The following DNAJC13 variants were observed in gnomAD, a reference collection of about 807,000 sequenced individuals.
The protein encoded by DNAJC13 is dnaJ homolog subfamily C member 13.
DNAJC13 carries 75 observed loss-of-function variants against 290.5 expected under a neutral mutation model. The ratio of observed to expected loss-of-function variants is 0.26; its 90% CI spans 0.21 to 0.31. DNAJC13 has a LOEUF of 0.31. Among genes scored for constraint, DNAJC13 ranks in the 10% least tolerant of loss-of-function variants. DNAJC13 has a pLI of 1.00. For synonymous variants in DNAJC13, 862 were observed against 892.0 expected, an observed-to-expected ratio of 0.97 and a Z score of 0.60; for missense variants, 2,260 against 2,674.5, an observed-to-expected ratio of 0.85 and a Z score of 3.42.
Position 132,498,719 on chromosome 3 carries a change from A to T in DNAJC13, c.4157-407A>T, listed in dbSNP as rs1328564816. ...TTTTTTTTACGTTTTATTTTATTTT[A>T]TTTTTATTTTTTTTGAGACGGAGGC... On this transcript the variant is annotated intron_variant, in intron 36 of 55. Transcript: ENST00000260818. 2.0e-5 allele frequency among the ~76,000 whole-genome samples: 3 copies of T among 151,286 alleles called. No homozygotes were observed. In the East Asian group the frequency reaches 5.8e-4, roughly 29 times the overall value.
intron 1 of DNAJC13, among the ~76,000 whole-genome samples, chr3:132,422,062 A>C: frequency 6.9e-6 from 1 of 145,608 alleles, no homozygotes; most frequent in African/African-American, 2.5e-5. Flanking sequence ...TTCAGACCTC[A>C]CTCTGTTGCC....
intron 31 of DNAJC13, among the ~76,000 whole-genome samples, chr3:132,490,364 C>T (rs1935025266): frequency 6.6e-6 from 1 of 152,104 alleles, no homozygotes; most frequent in Admixed American, 6.5e-5. Context: ...ATCCTAACTC[C>T]ATTTGGCCTG....
At position 132,503,362 on chromosome 3, in the gene DNAJC13, C is replaced by G; in HGVS notation, c.4865C>G (p.Ala1622Gly). ...ACACCCTATGTTGCTAGAAAACTTG[C>G]TGTGGCTAGTGTGACTGAGGTATGT... Reference protein sequence around the residue: ...MLTPYVARKLAVASVTEILKM... With the variant: ...MLTPYVARKLGVASVTEILKM... Residue 1622 changes from alanine to glycine, a missense_variant, in exon 41 of 56, where the codon GCT becomes GGT. Ala to Gly is a moderately conservative substitution (Grantham distance 60). Around this residue, in one of 3 missense-constraint regions of DNAJC13, gnomAD observed 1,494 missense variants for 1,693.7 expected, o/e 0.88. Transcript: ENST00000260818. The G allele has an allele frequency of 4.3e-6, 7 of 1,613,990 alleles. No individual in the cohort carries two copies. The highest frequency in any genetic ancestry group is 5.9e-6 in the Non-Finnish European group (7 of 1,179,918).
At chr3:132,451,487 A>G (rs1234845292) in intron 6 of DNAJC13, among the ~76,000 whole-genome samples, 1 of 152,180 alleles carries the variant, frequency 6.6e-6, no homozygotes, top group African/African-American at 2.4e-5. Context: ...AACAGAAGCT[A>G]CTTAAGGTGC....
At chr3:132,486,639 T>A (rs1934887929) in intron 29 of DNAJC13, among the ~76,000 whole-genome samples, 1 of 152,202 alleles carries the variant, frequency 6.6e-6, no homozygotes, top group African/African-American at 2.4e-5. Flanking sequence ...TATTTTTGTT[T>A]TTCTTTTAAT....
chr3:132,480,308 G>T, intron 25 of DNAJC13, 61 bp from the exon 26 acceptor site: 1 of 1,136,306 alleles, frequency 8.8e-7, no homozygotes, highest in East Asian at 2.4e-5. Context: ...AGGTACTATT[G>T]GGATAGGTTT....
chr3:132,436,255 T>C (rs765877184), intron 2 of DNAJC13, among the ~76,000 whole-genome samples: 4 of 152,180 alleles, frequency 2.6e-5, no homozygotes, highest in Non-Finnish European at 5.9e-5. Flanking sequence ...TTAATCTACT[T>C]CCTGTCTCTG....
chr3:132,503,465 G>A lies in DNAJC13; in HGVS notation c.4884+84G>A, dbSNP rs533365191. The A allele has an allele frequency of 1.4e-3, 2,083 of 1,466,188 alleles. 26 individuals are homozygous for A. Among genetic ancestry groups the A allele is most frequent in the South Asian group, 0.011 (843 of 75,620 alleles). The allele number at this position is 1,466,188 out of a possible 1,614,324, so 90.8% of individuals were successfully genotyped here. ...AAAGTAGTACAATAATATTGATCTA[G>A]GGAACCTAAAAATTAAGAACGTTCA... is the stretch of plus-strand genomic sequence containing the variant. On this transcript the variant is annotated intron_variant, in intron 41 of 55. Coordinates refer to ENST00000260818, the MANE Select transcript of DNAJC13 (RefSeq NM_015268.4).
chr3:132,507,209 A>G (rs1935622024), intron 42 of DNAJC13, 28 bp from the exon 43 acceptor site: 1 of 1,349,786 alleles, frequency 7.4e-7, no homozygotes. Context: ...TTTACATCTA[A>G]CAGTCTATTT....
At chr3:132,481,464 C>G (rs1257457590) in intron 26 of DNAJC13, among the ~76,000 whole-genome samples, 2 of 152,030 alleles carry the variant, frequency 1.3e-5, no homozygotes, top group Middle Eastern at 3.2e-3. Flanking sequence ...ACCTGTAGTC[C>G]CAGCTACTTG....
rs758114485 is a variant in DNAJC13 at position 132,511,256 on chromosome 3, C to T, written c.5293+12C>T. The T allele has an allele frequency of 1.2e-6, 2 of 1,612,860 alleles. No individual in the cohort carries two copies. The highest frequency in any genetic ancestry group is 2.7e-5 in the African/African-American group (2 of 74,794). On this transcript the variant is annotated intron_variant, in intron 44 of 55. Coordinates refer to ENST00000260818, the MANE Select transcript of DNAJC13 (RefSeq NM_015268.4). ...AAAATACAATCCAGGTATGTGACTA[C>T]ACCTTTGATCAATAAGACTCGTATA...
At position 132,478,076 on chromosome 3, in the gene DNAJC13, G is replaced by T. The variant is rs761450652; in HGVS notation, c.2645G>T (p.Gly882Val). 17 of 1,613,420 alleles carry T rather than the reference G, an allele frequency of 1.1e-5. No homozygotes were observed. In the East Asian group the frequency reaches 3.8e-4, roughly 36 times the overall value. ...TTACAAGCCCTTGCTATTGTTTATG[G>T]CAGATGTCACGAAGAAATAGGACCT... ...LCLQALAIVY[G>V]RCHEEIGPFT... Residue 882 changes from glycine to valine, a missense_variant, in exon 24 of 56, where the codon GGC (glycine) becomes GTC (valine). Physicochemically the swap from Gly to Val is moderately radical, Grantham distance 109. Transcript: ENST00000260818.
rs1216200474 is a variant in DNAJC13 at position 132,450,745 on chromosome 3, C to T, written c.435C>T (p.Asn145=). ...GGFDQINPAT[N]RVLCSYDYRN... ...TTGACCAAATTAATCCTGCAACCAA[C>T]AGAGTACTCTGTTCCTATGACTATA... The change falls in exon 6 of 56, where the codon AAC becomes AAT. Residue 145 remains asparagine, a synonymous_variant. Transcript: ENST00000260818. 1.9e-6 allele frequency: 3 copies of T among 1,612,120 alleles called. No individual in the cohort carries two copies. The highest frequency in any genetic ancestry group is 1.7e-5 in the Admixed American group (1 of 59,986).
intron 6 of DNAJC13, among the ~76,000 whole-genome samples, chr3:132,452,933 C>T (rs1438724498): frequency 2.0e-5 from 3 of 152,156 alleles, no homozygotes; most frequent in African/African-American, 7.2e-5. Context: ...ATCAGAGCTG[C>T]GTTGTTTGAA....
chr3:132,496,754 T>G (rs1935245537), intron 36 of DNAJC13, 91 bp downstream of exon 36: 2 of 1,077,116 alleles, frequency 1.9e-6, no homozygotes, highest in Non-Finnish European at 2.5e-6. Flanking sequence ...TACAGCATAT[T>G]TAATAGATTT....
intron 42 of DNAJC13, among the ~76,000 whole-genome samples, chr3:132,506,226 AT>A (rs1439659742): frequency 6.7e-6 from 1 of 149,700 alleles, no homozygotes; most frequent in African/African-American, 2.5e-5. Context: ...CTAATTTTGT[AT>A]TTTTAGTAGA....
intron 31 of DNAJC13, among the ~76,000 whole-genome samples, chr3:132,489,933 A>C (rs1299528035): frequency 6.6e-6 from 1 of 152,208 alleles, no homozygotes; most frequent in Non-Finnish European, 1.5e-5. Flanking sequence ...GCCATTATGC[A>C]TATTGTAATT....
intron 21 of DNAJC13, among the ~76,000 whole-genome samples, chr3:132,473,745 T>A (rs1458718730): frequency 6.6e-6 from 1 of 152,174 alleles, no homozygotes; most frequent in Admixed American, 6.5e-5. Flanking sequence ...GCAAAGCTTC[T>A]TTAAGATAAC....
chr3:132,486,286 A>G (rs1247084006), intron 29 of DNAJC13, among the ~76,000 whole-genome samples: 3 of 151,908 alleles, frequency 2.0e-5, no homozygotes, highest in African/African-American at 7.3e-5. Flanking sequence ...TGATGCAAAG[A>G]GAGGAATTTT....
Sources: gnomAD v4.1 joint callset for allele counts (sites outside exome capture counted in the v4.1 genomes callset) on GRCh38, gnomAD v4.1.1 for gene constraint, gnomAD v4.1.1 regional missense constraint, MANE v1.5 for transcripts, NCBI Gene and HGNC (gene_info 2026-07-23, HGNC 2026-07-21) for gene names.